The following GABRR1 variants were observed in gnomAD, a reference collection of about 807,000 sequenced individuals.
GABRR1 encodes the protein gamma-aminobutyric acid type A receptor subunit rho1.
Under a neutral mutation model 55.5 loss-of-function variants are expected in GABRR1, and 59 were observed. The ratio of observed to expected loss-of-function variants is 1.06; its 90% CI spans 0.86 to 1.32. The LOEUF (loss-of-function observed/expected upper bound fraction) is 1.32. Among genes scored for constraint, GABRR1 ranks in the 40% most tolerant of loss-of-function variants. GABRR1 has a pLI of 0.00. For synonymous variants in GABRR1, 213 were observed against 226.0 expected (o/e 0.94, Z 0.51); for missense variants, 602 against 619.1 (o/e 0.97, Z 0.29).
chr6:89,185,257 T>C (rs1260722733), intron 7 of GABRR1, 53 bp downstream of exon 7: 5 of 1,611,246 alleles, frequency 3.1e-6, no homozygotes, highest in Non-Finnish European at 4.2e-6. Context: ...AGGGTGAACC[T>C]TGGAGACCAA....
intron 1 of GABRR1, among the ~76,000 whole-genome samples, chr6:89,223,292 A>G (rs1773140581): frequency 6.6e-6 from 1 of 152,204 alleles, no homozygotes; most frequent in Non-Finnish European, 1.5e-5. Flanking sequence ...GAGTGAGGAC[A>G]TACAATGTTT....
intron 5 of GABRR1, among the ~76,000 whole-genome samples, chr6:89,193,494 G>A (rs1476226036): frequency 1.3e-5 from 2 of 151,966 alleles, no homozygotes; most frequent in Non-Finnish European, 2.9e-5. Flanking sequence ...TGTTTTCCTG[G>A]TGGTTGAGGC....
rs948768448 is a variant in GABRR1, at chr6:89,210,341, G to T, written c.123-6856C>A. ...CCCGAGTAGCTAGGACCACAGGTGTGTGCCACCACACCTGGCTAATTTTGC... is the reference window on the plus strand; with the variant it reads ...CCCGAGTAGCTAGGACCACAGGTGTTTGCCACCACACCTGGCTAATTTTGC... On this transcript the variant is annotated intron_variant, in intron 1 of 9. Transcript: ENST00000454853. Among the ~76,000 whole-genome samples the T allele has an allele frequency of 3.3e-5, 5 of 151,798 alleles. No individual in the cohort carries two copies. In the East Asian group the frequency reaches 9.6e-4, roughly 29 times the overall value.
chr6:89,228,817 C>T (rs962983660), intron 1 of GABRR1, among the ~76,000 whole-genome samples: 27 of 152,012 alleles, frequency 1.8e-4, no homozygotes, highest in African/African-American at 6.3e-4. Flanking sequence ...TCCTGGGTAT[C>T]CTTGTTGACT....
In GABRR1 at chr6:89,180,505, G is replaced by A. The variant is rs781005829; in HGVS notation, c.950-17C>T. 1.6e-5 allele frequency: 25 copies of A among 1,611,134 alleles called. No homozygotes were observed. In the Admixed American group the frequency reaches 1.7e-4, roughly 11 times the overall value. ...TTGTGATACCTGCAAACACAAGAATGAGAAACAAGTGTTTGCTTGTCTTTC... is the reference window on the plus strand; with the variant it reads ...TTGTGATACCTGCAAACACAAGAATAAGAAACAAGTGTTTGCTTGTCTTTC... On this transcript the variant is annotated splice_polypyrimidine_tract_variant and intron_variant, in intron 8 of 9. Coordinates refer to ENST00000454853, the MANE Select transcript of GABRR1 (RefSeq NM_002042.5).
intron 1 of GABRR1, chr6:89,212,153 C>CG: frequency 1.5e-6 from 1 of 650,540 alleles, no homozygotes; most frequent in East Asian, 1.3e-4. Context: ...GCATCACCAT[C>CG]TACTCAGTCG....
chr6:89,199,691 G>C (rs2127799389), intron 3 of GABRR1, among the ~76,000 whole-genome samples: 1 of 152,282 alleles, frequency 6.6e-6, no homozygotes, highest in Non-Finnish European at 1.5e-5. Flanking sequence ...TAGGTCAAAA[G>C]CTGGGTCTGA....
chr6:89,196,981 T>C (rs759538813), intron 5 of GABRR1, among the ~76,000 whole-genome samples: 1 of 152,186 alleles, frequency 6.6e-6, no homozygotes, highest in Non-Finnish European at 1.5e-5. Context: ...TTGCACATCC[T>C]GGACCCGCCT....
chr6:89,185,626 T>C (rs1771879828), intron 6 of GABRR1, among the ~76,000 whole-genome samples, 176 bp from the exon 7 acceptor site: 1 of 152,166 alleles, frequency 6.6e-6, no homozygotes, highest in African/African-American at 2.4e-5. Flanking sequence ...AAGACAAATC[T>C]AATTATCTCC....
At chr6:89,195,502 C>A (rs1772235596) in intron 5 of GABRR1, among the ~76,000 whole-genome samples, 1 of 151,004 alleles carries the variant, frequency 6.6e-6, no homozygotes, top group Non-Finnish European at 1.5e-5. Flanking sequence ...CAACAGACTT[C>A]CCAATGGAAA....
upstream of GABRR1, among the ~76,000 whole-genome samples, chr6:89,219,094 T>G (rs1016639561): frequency 5.3e-5 from 8 of 152,116 alleles, no homozygotes; most frequent in Non-Finnish European, 1.2e-4. Context: ...GGTGAAACCC[T>G]GTCCCTACTA....
intron 2 of GABRR1, 79 bp downstream of exon 2, chr6:89,203,356 G>A: frequency 1.6e-6 from 2 of 1,253,214 alleles, no homozygotes; most frequent in Non-Finnish European, 2.3e-6. Context: ...GTCGGGGAGG[G>A]GCCCTGCTGA....
chr6:89,214,074 T>A (rs1230739538), intron 1 of GABRR1, among the ~76,000 whole-genome samples: 3 of 151,990 alleles, frequency 2.0e-5, no homozygotes, highest in African/African-American at 7.3e-5. Flanking sequence ...TCTTTCCTAT[T>A]TCTATGTCTT....
In GABRR1 at chr6:89,224,206, A is replaced by G. The variant is rs190996594; in HGVS notation, c.-410-2760T>C. On this transcript the variant is annotated intron_variant, in intron 1 of 11. Coordinates refer to the GABRR1 transcript ENST00000369451. ...TGAGTTCAAGCGATTCTCCTACCTCAGCCTCCCAAGTAGTAGCTGGGATTA... is the reference window on the plus strand; with the variant it reads ...TGAGTTCAAGCGATTCTCCTACCTCGGCCTCCCAAGTAGTAGCTGGGATTA... Among the ~76,000 whole-genome samples the G allele has an allele frequency of 5.2e-3, 786 of 152,138 alleles. 8 individuals are homozygous for G. Among genetic ancestry groups the G allele is most frequent in the African/African-American group, 0.018 (748 of 41,490 alleles).
chr6:89,192,023 C>A (rs1272660472), intron 5 of GABRR1, among the ~76,000 whole-genome samples: 1 of 149,592 alleles, frequency 6.7e-6, no homozygotes, highest in Non-Finnish European at 1.5e-5. Flanking sequence ...GCCTGGGCAA[C>A]AGAGTGAGAC....
chr6:89,180,327 C>T lies in GABRR1; in HGVS notation c.1111G>A (p.Val371Met), dbSNP rs746879965. Residue 371 changes from valine (V) to methionine (M), a missense_variant, in exon 9 of 10, where the codon GTG becomes ATG. Val to Met is a conservative substitution (Grantham distance 21). Coordinates refer to ENST00000454853, the MANE Select transcript of GABRR1 (RefSeq NM_002042.5). The stretch of plus-strand genomic sequence containing the variant: ...AGCTTCTGTTCCTTCCTCTCCTGCA[C>T]AGTGGTCAGGTAGTTGACGGCCGCA... Reference protein sequence around the residue: ...EYAAVNYLTTVQERKEQKLRE... With the variant: ...EYAAVNYLTTMQERKEQKLRE... 2 of 1,613,820 alleles carry T rather than the reference C, an allele frequency of 1.2e-6. No homozygotes were observed. The highest frequency in any genetic ancestry group is 3.3e-5 in the Admixed American group (2 of 59,968).
intron 7 of GABRR1, among the ~76,000 whole-genome samples, chr6:89,183,187 T>C (rs1250135842): frequency 6.8e-6 from 1 of 147,844 alleles, no homozygotes; most frequent in African/African-American, 2.5e-5. Flanking sequence ...AGGCCTTATA[T>C]GCGTGAGATG....
Position 89,224,456 on chromosome 6 carries a change from T to C in GABRR1, c.-410-3010A>G, listed in dbSNP as rs1773165334. On this transcript the variant is annotated intron_variant, in intron 1 of 11. Coordinates refer to the GABRR1 transcript ENST00000369451. ...GATGTTGAGCATTTTTTCATGTTTG[T>C]TGGCCATTTGTATGTCTTCTTTTGA... Among the ~76,000 whole-genome samples the C allele has an allele frequency of 2.0e-5, 3 of 152,240 alleles. No homozygotes were observed. In the South Asian group the frequency reaches 6.2e-4, roughly 32 times the overall value.
intron 4 of GABRR1, 23 bp downstream of exon 4, chr6:89,199,339 G>A: frequency 6.2e-7 from 1 of 1,611,124 alleles, no homozygotes; most frequent in Non-Finnish European, 8.5e-7. Flanking sequence ...CCCTGCCACG[G>A]CCCTGGTCAG....
Sources: gnomAD v4.1 joint callset for allele counts (sites outside exome capture counted in the v4.1 genomes callset) on GRCh38, gnomAD v4.1.1 for gene constraint, MANE v1.5 for transcripts, NCBI Gene and HGNC (gene_info 2026-07-23, HGNC 2026-07-21) for gene names.